Variants in CTNND2 observed in about 807,000 individuals in gnomAD.
CTNND2 encodes the protein catenin delta 2.
A neutral mutation model predicts 144.4 loss-of-function variants in CTNND2; 22 were observed. That is an observed-to-expected ratio of 0.15 (90% CI 0.11 to 0.22). The LOEUF (loss-of-function observed/expected upper bound fraction) is 0.22. Among genes scored for constraint, CTNND2 ranks in the 10% least tolerant of loss-of-function variants. CTNND2 has a pLI of 1.00. For synonymous variants in CTNND2, 751 were observed against 695.6 expected, an observed-to-expected ratio of 1.08 and a Z score of -1.25; for missense variants, 1,353 against 1,618.8, an observed-to-expected ratio of 0.84 and a Z score of 2.82.
intron 10 of CTNND2, among the ~76,000 whole-genome samples, chr5:11,235,037 T>C (rs1046223139): frequency 6.6e-6 from 1 of 152,190 alleles, no homozygotes; most frequent in African/African-American, 2.4e-5. Flanking sequence ...AAAGCCTCAC[T>C]GTGTAAGTGA....
intron 10 of CTNND2, among the ~76,000 whole-genome samples, chr5:11,232,728 G>C (rs1455885156): frequency 6.6e-6 from 1 of 152,200 alleles, no homozygotes; most frequent in Admixed American, 6.5e-5. Context: ...TAAGACTTTG[G>C]GGATTGTTGG....
intron 1 of CTNND2, among the ~76,000 whole-genome samples, chr5:11,851,414 G>C (rs1009201532): frequency 6.6e-6 from 1 of 152,134 alleles, no homozygotes; most frequent in African/African-American, 2.4e-5. Context: ...CTGCATGATT[G>C]AAAGAAATGG....
chr5:11,761,949 A>G, intron 1 of CTNND2, among the ~76,000 whole-genome samples: 1 of 152,212 alleles, frequency 6.6e-6, no homozygotes, highest in Non-Finnish European at 1.5e-5. Context: ...TGAAAAATGA[A>G]AGGACCAGGT....
chr5:11,565,137 G>T, intron 2 of CTNND2, 81 bp from the exon 3 acceptor site: 2 of 887,734 alleles, frequency 2.3e-6, no homozygotes, highest in Non-Finnish European at 3.6e-6. Flanking sequence ...GGACGGCTGA[G>T]GGAGAAAAAT....
At chr5:11,357,020 AAAAAG>A (rs938541578) in intron 8 of CTNND2, among the ~76,000 whole-genome samples, 8 of 152,008 alleles carry the variant, frequency 5.3e-5, no homozygotes, top group Admixed American at 2.0e-4. Flanking sequence ...TGTCAAAAAG[AAAAAG>A]AAAAGTGTTG....
Position 11,022,825 on chromosome 5 carries a change from T to A in CTNND2, c.2943A>T (p.Leu981Phe), listed in dbSNP as rs999782140. The A allele has an allele frequency of 6.2e-7, 1 of 1,614,254 alleles. No homozygotes were observed. Among genetic ancestry groups the A allele is most frequent in the Non-Finnish European group, 8.5e-7 (1 of 1,180,034 alleles). ...ITKNMENAKA[L>F]RDAGGIEKLV... is the part of the protein sequence containing the mutation. The stretch of plus-strand genomic sequence containing the variant: ...ACTTCTCGATGCCACCGGCATCCCG[T>A]AAGGCCTTGGCGTTCTCCATGTTCT... The change falls in exon 17 of 22, where the codon TTA (leucine) becomes TTT (phenylalanine). Residue 981 changes from leucine (L) to phenylalanine (F), a missense_variant. Physicochemically the swap from Leu to Phe is conservative, Grantham distance 22 (BLOSUM62 0). Coordinates refer to ENST00000304623, the MANE Select transcript of CTNND2 (RefSeq NM_001332.4).
At chr5:11,016,219 A>T (rs1381986989) in intron 18 of CTNND2, among the ~76,000 whole-genome samples, 1 of 152,194 alleles carries the variant, frequency 6.6e-6, no homozygotes, top group Admixed American at 6.5e-5. Flanking sequence ...ATACTGAGGG[A>T]TGACTCTCAT....
rs898689344 is a variant in CTNND2 at position 11,330,893 on chromosome 5, C to T, written c.1628+15479G>A. Among the ~76,000 whole-genome samples the T allele has an allele frequency of 3.3e-5, 5 of 152,004 alleles. 1 individual carries two copies. The highest frequency in any genetic ancestry group is 3.9e-4 in the East Asian group (2 of 5,158). The stretch of plus-strand genomic sequence containing the variant: ...GTATGGACACTGTTTAGCAAACATA[C>T]GCAGTGTTTGAGTTCCTAGAGGCCC... On this transcript the variant is annotated intron_variant, in intron 9 of 21. Transcript: ENST00000304623.
intron 9 of CTNND2, among the ~76,000 whole-genome samples, chr5:11,257,639 C>T (rs539280736): frequency 2.6e-4 from 40 of 152,228 alleles, no homozygotes; most frequent in South Asian, 1.0e-3. Context: ...AATTACCTCC[C>T]ACTAGGTTTC....
At chr5:11,359,863 G>C (rs1756268808) in intron 8 of CTNND2, among the ~76,000 whole-genome samples, 1 of 152,162 alleles carries the variant, frequency 6.6e-6, no homozygotes, top group African/African-American at 2.4e-5. Flanking sequence ...TGGCATGCCT[G>C]TTCAGCTTCA....
intron 11 of CTNND2, among the ~76,000 whole-genome samples, chr5:11,165,150 T>C (rs946602117): frequency 5.9e-5 from 9 of 152,078 alleles, no homozygotes; most frequent in Non-Finnish European, 2.9e-5. Flanking sequence ...AAATAATAAA[T>C]CCAAACAAGA....
At chr5:11,158,501 T>C (rs958170264) in intron 12 of CTNND2, among the ~76,000 whole-genome samples, 9 of 152,182 alleles carry the variant, frequency 5.9e-5, no homozygotes, top group Non-Finnish European at 1.2e-4. Flanking sequence ...AGGATTCCCA[T>C]TCCTGCCCAT....
intron 10 of CTNND2, among the ~76,000 whole-genome samples, chr5:11,226,774 C>T (rs145721882): frequency 6.6e-6 from 1 of 152,322 alleles, no homozygotes; most frequent in African/African-American, 2.4e-5. Context: ...CATGGCCAAA[C>T]AATATCAGCC....
chr5:11,092,724 T>C (rs1750894520), intron 15 of CTNND2, among the ~76,000 whole-genome samples: 1 of 152,266 alleles, frequency 6.6e-6, no homozygotes, highest in Admixed American at 6.5e-5. Context: ...CTTCGCGTTG[T>C]ATTTTCATCA....
intron 2 of CTNND2, among the ~76,000 whole-genome samples, chr5:11,688,382 C>T (rs1386087512): frequency 6.6e-6 from 1 of 151,972 alleles, no homozygotes; most frequent in Non-Finnish European, 1.5e-5. Context: ...TTTGAGAAGA[C>T]CCCAAAAAAG....
At chr5:11,472,555 T>C (rs1767331743) in intron 3 of CTNND2, among the ~76,000 whole-genome samples, 1 of 152,152 alleles carries the variant, frequency 6.6e-6, no homozygotes, top group African/African-American at 2.4e-5. Flanking sequence ...TATTTAGTAT[T>C]TACGTTTTTG....
At chr5:11,846,606 C>T (rs558497027) in intron 1 of CTNND2, among the ~76,000 whole-genome samples, 2 of 152,080 alleles carry the variant, frequency 1.3e-5, no homozygotes, top group South Asian at 2.1e-4. Flanking sequence ...GGGATTACAT[C>T]AAACTCAAAA....
At chr5:11,021,396 A>G (rs1390676002) in intron 17 of CTNND2, among the ~76,000 whole-genome samples, 1 of 152,194 alleles carries the variant, frequency 6.6e-6, no homozygotes, top group Non-Finnish European at 1.5e-5. Context: ...TTACCATATT[A>G]AGATCTTAAT....
intron 9 of CTNND2, among the ~76,000 whole-genome samples, chr5:11,283,606 G>A (rs760951643): frequency 2.7e-5 from 4 of 145,774 alleles, no homozygotes; most frequent in African/African-American, 5.0e-5. Flanking sequence ...CCTGGGAGGC[G>A]GAGGTTGCAG....
Sources: allele counts gnomAD v4.1 joint callset (sites outside exome capture counted in the v4.1 genomes callset), GRCh38; gene constraint gnomAD v4.1.1; transcripts MANE v1.5; gene names NCBI Gene and HGNC (gene_info 2026-07-23, HGNC 2026-07-21).